The following VTI1B variants were observed in gnomAD, a reference collection of about 807,000 sequenced individuals.
The protein encoded by VTI1B is vesicle transport through interaction with t-SNAREs homolog 1B.
A neutral mutation model predicts 28.6 loss-of-function variants in VTI1B; 18 were observed. The ratio of observed to expected loss-of-function variants is 0.63; its 90% CI spans 0.43 to 0.93. The LOEUF (loss-of-function observed/expected upper bound fraction) is 0.93, where lower values mean the gene tolerates loss of function less well. Among genes scored for constraint, VTI1B ranks in the 40% least tolerant of loss-of-function variants. The pLI is 0.00. For missense variants in VTI1B, 283 were observed against 297.0 expected (o/e 0.95, Z 0.35); for synonymous variants, 100 against 107.9 (o/e 0.93, Z 0.46).
chr14:67,672,254 G>A (rs1427391256), intron 1 of VTI1B, among the ~76,000 whole-genome samples: 1 of 151,634 alleles, frequency 6.6e-6, no homozygotes, highest in Non-Finnish European at 1.5e-5. Context: ...CAGGAGCTGG[G>A]ACTACAGGCA....
intron 1 of VTI1B, among the ~76,000 whole-genome samples, chr14:67,671,847 ACC>A (rs2140036250): frequency 6.6e-6 from 1 of 152,262 alleles, no homozygotes; most frequent in Non-Finnish European, 1.5e-5. Flanking sequence ...GGCTGAACTA[ACC>A]CACTCTCTCA....
intron 4 of VTI1B, among the ~76,000 whole-genome samples, chr14:67,655,417 C>T (rs1535088): frequency 0.97 from 147,736 of 152,316 alleles, 71,783 homozygotes; most frequent in East Asian, 1. Flanking sequence ...AGAGTGACAG[C>T]AGACTAGAGA....
chr14:67,654,002 C>T (rs984446749), intron 4 of VTI1B, among the ~76,000 whole-genome samples: 1 of 152,158 alleles, frequency 6.6e-6, no homozygotes, highest in Non-Finnish European at 1.5e-5. Context: ...CAACTGCTTG[C>T]TACTAATCTG....
chr14:67,666,280 G>A (rs1240725807), intron 1 of VTI1B, among the ~76,000 whole-genome samples: 1 of 152,130 alleles, frequency 6.6e-6, no homozygotes, highest in African/African-American at 2.4e-5. Flanking sequence ...ATTCTCAAGA[G>A]GCAAATTCTA....
rs150931461 is a variant in VTI1B, at chr14:67,654,248, T to G, written c.541-750A>C. On this transcript the variant is annotated intron_variant, in intron 4 of 5. Transcript: ENST00000554659. ...GTCCCCAAGTAGCTGGGATCACAGG[T>G]GCACGCCACCACACCCTGCTCCTTT... Among the ~76,000 whole-genome samples the G allele has an allele frequency of 2.2e-3, 329 of 152,214 alleles. 1 individual carries two copies. Among genetic ancestry groups the G allele is most frequent in the African/African-American group, 7.6e-3 (316 of 41,524 alleles).
rs934780288 is a variant in VTI1B, at chr14:67,659,853, G to C, written c.244C>G (p.Arg82Gly). ...SFRNPMMSKLRNYRKDLAKLH... is the reference protein window; with the variant it reads ...SFRNPMMSKLGNYRKDLAKLH... ...TTAGCAAGGTCCTTCCGGTAGTTTC[G>C]AAGCTTAGACATCATGGGGTTTCGG... is the stretch of plus-strand genomic sequence containing the variant. Residue 82 changes from arginine (R) to glycine (G), a missense_variant, in exon 3 of 6, where the codon CGA becomes GGA. Physicochemically the swap from Arg to Gly is moderately radical, Grantham distance 125. Coordinates refer to ENST00000554659, the MANE Select transcript of VTI1B (RefSeq NM_006370.3). 1.2e-6 allele frequency: 2 copies of C among 1,614,136 alleles called. No homozygotes were observed. The highest frequency in any genetic ancestry group is 3.3e-5 in the Admixed American group (2 of 60,022).
chr14:67,668,007 G>C (rs2037422917), intron 1 of VTI1B, among the ~76,000 whole-genome samples: 1 of 152,146 alleles, frequency 6.6e-6, no homozygotes, highest in African/African-American at 2.4e-5. Context: ...TCTACAGTCT[G>C]TAAGTAATTG....
chr14:67,653,560 T>A, intron 4 of VTI1B, 62 bp from the exon 5 acceptor site: 1 of 1,452,588 alleles, frequency 6.9e-7, no homozygotes, highest in Non-Finnish European at 9.6e-7. Context: ...CAATTGAATA[T>A]CCCTAGATTA....
chr14:67,662,007 A>C (rs560288654), intron 2 of VTI1B, among the ~76,000 whole-genome samples: 137 of 152,086 alleles, frequency 9.0e-4, no homozygotes, highest in African/African-American at 3.1e-3. Flanking sequence ...ATACAAAAAA[A>C]CAGCCAGGTG....
intron 1 of VTI1B, among the ~76,000 whole-genome samples, chr14:67,668,544 A>G (rs370282097): frequency 1.6e-4 from 24 of 152,374 alleles, no homozygotes; most frequent in African/African-American, 5.8e-4. Context: ...ATAGAAATAA[A>G]TCACAATCAT....
At chr14:67,656,369 C>G in intron 4 of VTI1B, 47 bp downstream of exon 4, 1 of 1,476,246 alleles carries the variant, frequency 6.8e-7, no homozygotes. Context: ...TGCAGTGGCC[C>G]CCTAATTACC....
At chr14:67,670,305 C>CA (rs1457034227) in intron 1 of VTI1B, among the ~76,000 whole-genome samples, 3 of 152,122 alleles carry the variant, frequency 2.0e-5, no homozygotes, top group African/African-American at 7.2e-5. Flanking sequence ...GAGATCCCCT[C>CA]ACAATCTGGC....
chr14:67,650,969 A>C lies in VTI1B; in HGVS notation c.*416T>G, dbSNP rs1202059933. The C allele has an allele frequency of 1.3e-6, 2 of 1,551,220 alleles. No homozygotes were observed. The highest frequency in any genetic ancestry group is 1.8e-6 in the Non-Finnish European group (2 of 1,128,906). ...TCACAACAGGCATTCCAGAATTATG[A>C]GGCATTGAGGGGATAGATGAATACT... is the stretch of plus-strand genomic sequence containing the variant. On this transcript the variant is annotated 3_prime_UTR_variant, in exon 6 of 6. Coordinates refer to ENST00000554659, the MANE Select transcript of VTI1B (RefSeq NM_006370.3).
rs1199887158 is a variant in VTI1B at position 67,648,150 on chromosome 14, G to A, written c.*3235C>T. ...TGTCGGGGGACTAACCTATCGAGAAGGCATGTATATTGCTGAGGAAATACA... is the reference window on the plus strand; with the variant it reads ...TGTCGGGGGACTAACCTATCGAGAAAGCATGTATATTGCTGAGGAAATACA... On this transcript the variant is annotated 3_prime_UTR_variant, in exon 6 of 6. Transcript: ENST00000554659. The A allele has an allele frequency of 2.5e-6, 4 of 1,614,020 alleles. No individual in the cohort carries two copies. The South Asian group carries it at 4.4e-5, about 18-fold the overall frequency.
chr14:67,658,438 C>CA (rs971549433), intron 3 of VTI1B, among the ~76,000 whole-genome samples: 12 of 150,662 alleles, frequency 8.0e-5, no homozygotes, highest in South Asian at 2.1e-4. Flanking sequence ...ACTAAAAGTA[C>CA]AAAAAAAAAT....
intron 1 of VTI1B, among the ~76,000 whole-genome samples, chr14:67,666,120 C>A (rs757824503): frequency 7.2e-5 from 11 of 152,216 alleles, no homozygotes; most frequent in Non-Finnish European, 1.6e-4. Flanking sequence ...CATGCTCACT[C>A]CTGATCCAAG....
Position 67,651,501 on chromosome 14 carries a change from G to C in VTI1B, c.603-20C>G. On this transcript the variant is annotated intron_variant, in intron 5 of 5. Transcript: ENST00000554659. Reference sequence around the variant, plus strand: ...GTCACTCTACAAAGAGAAGCAAAGTGGGGAGTAGTCAGAAGTTTGGATAAC... The same window carrying C: ...GTCACTCTACAAAGAGAAGCAAAGTCGGGAGTAGTCAGAAGTTTGGATAAC... 6.2e-7 allele frequency: 1 copy of C among 1,612,370 alleles called. No homozygotes were observed. Among genetic ancestry groups the C allele is most frequent in the South Asian group, 1.1e-5 (1 of 90,930 alleles).
intron 1 of VTI1B, among the ~76,000 whole-genome samples, chr14:67,669,441 T>C (rs1054018886): frequency 2.6e-5 from 4 of 151,814 alleles, no homozygotes; most frequent in African/African-American, 9.7e-5. Flanking sequence ...CTCAGCTTTT[T>C]TTTTTTTGTA....
chr14:67,663,849 G>A (rs12890397), intron 1 of VTI1B, among the ~76,000 whole-genome samples: 19,052 of 152,048 alleles, frequency 0.13, 1,457 homozygotes, highest in South Asian at 0.33. Flanking sequence ...TGCCAGGTTC[G>A]GGCCTGCCTC....
Sources: allele counts gnomAD v4.1 joint callset (sites outside exome capture counted in the v4.1 genomes callset), GRCh38; gene constraint gnomAD v4.1.1; transcripts MANE v1.5; gene names NCBI Gene and HGNC (gene_info 2026-07-23, HGNC 2026-07-21).